The following CSF2RA variants were observed in gnomAD, a reference collection of about 807,000 sequenced individuals.
CSF2RA encodes the protein granulocyte-macrophage colony-stimulating factor receptor subunit alpha.
CSF2RA carries 42 observed loss-of-function variants against 51.6 expected under a neutral mutation model. That is an observed-to-expected ratio of 0.81 (90% confidence interval 0.64 to 1.05). CSF2RA has a LOEUF of 1.05. CSF2RA is among the 50% of genes least tolerant of loss of function. The pLI, the probability that CSF2RA is intolerant of heterozygous loss-of-function variation, is 0.00. For missense variants in CSF2RA, 530 were observed against 501.1 expected (o/e 1.06, Z -0.55); for synonymous variants, 222 against 193.0 (o/e 1.15, Z -1.24).
chrX:1,293,386 T>C (rs1387576202), intron 7 of CSF2RA, among the ~76,000 whole-genome samples: 1 of 151,836 alleles, frequency 6.6e-6, no homozygotes, highest in Non-Finnish European at 1.5e-5. Flanking sequence ...GCCCGGCTAA[T>C]TTTTTTGGAT....
chrX:1,313,555 CAA>C (rs111455258), downstream of CSF2RA, among the ~76,000 whole-genome samples: 5 of 149,386 alleles, frequency 3.3e-5, no homozygotes, highest in East Asian at 5.9e-4. Context: ...ACTAAAAATA[CAA>C]AAAAAAAAGC....
chrX:1,323,830 C>A, the CSF2RA span, among the ~76,000 whole-genome samples: 7 of 151,618 alleles, frequency 4.6e-5, no homozygotes, highest in African/African-American at 1.5e-4. Flanking sequence ...CTGGCTAACA[C>A]GGTGAAACCC....
Position 1,309,779 on chromosome X carries a change from T to C in CSF2RA, c.*300T>C, listed in dbSNP as rs1183441802. 1.2e-5 allele frequency: 8 copies of C among 641,256 alleles called. No individual in the cohort carries two copies. The highest frequency in any genetic ancestry group is 1.7e-5 in the Non-Finnish European group (6 of 360,692). The allele number at this position is 641,256 out of a possible 1,614,324, so 39.7% of individuals were successfully genotyped here. ...GGCGGACGCCCATCATCCCAGCTAC[T>C]TGGGAGGCTGAGGCAGGAGAATTGC... is the stretch of plus-strand genomic sequence containing the variant. On this transcript the variant is annotated 3_prime_UTR_variant, in exon 13 of 13. Transcript: ENST00000381529.
rs139686363 is a variant in CSF2RA at position 1,309,462 on chromosome X, G to A, written c.1186G>A (p.Val396Met). ...AGGCTACCGCGAAGAGGTCTTGACC[G>A]TGAAGGAAATTACCTGAGACCCAGA... ...GKGYREEVLT[V>M]KEIT Residue 396 changes from valine to methionine, a missense_variant, in exon 13 of 13, where the codon GTG (valine) becomes ATG (methionine). By Grantham distance (21) the Val-to-Met change is conservative (BLOSUM62 1). Transcript: ENST00000381529. 2.0e-4 allele frequency: 320 copies of A among 1,613,888 alleles called. No individual in the cohort carries two copies. Among genetic ancestry groups the A allele is most frequent in the Non-Finnish European group, 2.6e-4 (304 of 1,179,872 alleles).
At chrX:1,317,983 TTTC>T in the CSF2RA span, among the ~76,000 whole-genome samples, 1 of 150,428 alleles carries the variant, frequency 6.6e-6, no homozygotes, top group Non-Finnish European at 1.5e-5. Flanking sequence ...ATTTTTTTCT[TTTC>T]TTTTTTTTTC....
intron 10 of CSF2RA, chrX:1,303,507 T>C (rs1188806214): frequency 2.1e-6 from 1 of 486,478 alleles, no homozygotes; most frequent in Non-Finnish European, 3.6e-6. Flanking sequence ...CCCAAAGTGC[T>C]GGGATGACAG....
At position 1,305,452 on chromosome X, in the gene CSF2RA, T is replaced by G. The variant is rs746077422; in HGVS notation, c.1050T>G (p.Leu350=). Residue 350 remains leucine (L), a synonymous_variant, in exon 12 of 13, where the codon CTT becomes CTG. Transcript: ENST00000381529. ...IVLGFLFKRF[L]RIQRLFPPVP... ...CTTTTTCTCTGTGTCTCAGGTTCCT[T>G]AGGATACAGCGGCTGTTCCCGCCAG... The G allele has an allele frequency of 1.2e-6, 2 of 1,613,838 alleles. No homozygotes were observed. The highest frequency in any genetic ancestry group is 4.5e-5 in the East Asian group (2 of 44,892).
chrX:1,312,433 T>C (rs1237157726), downstream of CSF2RA, among the ~76,000 whole-genome samples: 3 of 152,088 alleles, frequency 2.0e-5, no homozygotes, highest in Admixed American at 2.0e-4. Context: ...GACGTGGACA[T>C]CTTTGGGACC....
intron 4 of CSF2RA, among the ~76,000 whole-genome samples, chrX:1,287,415 G>C (rs1333896263): frequency 1.3e-5 from 2 of 150,802 alleles, no homozygotes; most frequent in South Asian, 2.1e-4. Flanking sequence ...GCCTCCCAAA[G>C]TGCTGGCATT....
At chrX:1,316,700 T>C in the CSF2RA span, among the ~76,000 whole-genome samples, 4 of 152,308 alleles carry the variant, frequency 2.6e-5, no homozygotes, top group African/African-American at 9.6e-5. Flanking sequence ...TGGGTTCTCC[T>C]GAATGAGATC....
chrX:1,269,090 G>T (rs2087984930), intron 1 of CSF2RA, among the ~76,000 whole-genome samples: 2 of 152,026 alleles, frequency 1.3e-5, no homozygotes, highest in South Asian at 4.1e-4. Context: ...TTATATGCAG[G>T]TTTTTAAAGG....
intron 9 of CSF2RA, among the ~76,000 whole-genome samples, chrX:1,299,915 C>G (rs1173278523): frequency 6.6e-6 from 1 of 151,134 alleles, no homozygotes; most frequent in African/African-American, 2.4e-5. Flanking sequence ...GAGAGTGTCT[C>G]AAATAAAATA....
At chrX:1,287,630 G>C (rs1428913459) in intron 4 of CSF2RA, among the ~76,000 whole-genome samples, 3 of 144,810 alleles carry the variant, frequency 2.1e-5, no homozygotes, top group South Asian at 2.2e-4. Context: ...TTTTAGTAGA[G>C]ACGGGGTTTC....
intron 4 of CSF2RA, among the ~76,000 whole-genome samples, chrX:1,286,504 G>A (rs763143491): frequency 6.7e-6 from 1 of 149,630 alleles, no homozygotes; most frequent in Non-Finnish European, 1.5e-5. Flanking sequence ...GGGAGGCGGA[G>A]GTTGCGGTGA....
At chrX:1,319,381 C>T in the CSF2RA span, among the ~76,000 whole-genome samples, 19 of 149,752 alleles carry the variant, frequency 1.3e-4, no homozygotes, top group East Asian at 2.0e-4. Flanking sequence ...TCAGACTCCC[C>T]GGCTTAGCGA....
rs761242869 is a variant in CSF2RA, at chrX:1,289,116, C to T, written c.473+228C>T. The T allele has an allele frequency of 2.8e-5, 16 of 581,212 alleles. No individual in the cohort carries two copies. The East Asian group carries it at 4.5e-4, about 16-fold the overall frequency. 36.0% of individuals were successfully genotyped at this position (581,212 alleles called of 1,614,324 possible). A position where few individuals can be genotyped will look rare whatever the true frequency, so the allele number is the denominator to read the frequency against. On this transcript the variant is annotated intron_variant, in intron 6 of 12. Coordinates refer to ENST00000381529, the MANE Select transcript of CSF2RA (RefSeq NM_172245.4). Reference sequence around the variant, plus strand: ...AGCTGGGATTACAGGCGCCCGCCACCACACCAGGCCACATCTATGTATTTA... The same window carrying T: ...AGCTGGGATTACAGGCGCCCGCCACTACACCAGGCCACATCTATGTATTTA...
chrX:1,304,075 AG>A, intron 11 of CSF2RA, 56 bp downstream of exon 11: 1 of 1,427,384 alleles, frequency 7.0e-7, no homozygotes. Flanking sequence ...CCGGGAGGAA[AG>A]CGCTTTGTCC....
the CSF2RA span, among the ~76,000 whole-genome samples, chrX:1,319,582 C>G: frequency 6.7e-6 from 1 of 150,280 alleles, no homozygotes; most frequent in East Asian, 2.0e-4. Context: ...GCCACCATGC[C>G]TAGCCCAAGT....
intron 2 of CSF2RA, among the ~76,000 whole-genome samples, chrX:1,281,112 TCTCCTCCTCCTC>T (rs771038360): frequency 4.0e-5 from 1 of 25,050 alleles, no homozygotes; most frequent in Non-Finnish European, 7.0e-5. Context: ...TCCTCCTCCT[TCTCCTCCTCCTC>T]CTCCTCCTGC....
Sources: allele counts gnomAD v4.1 joint callset (sites outside exome capture counted in the v4.1 genomes callset), GRCh38; gene constraint gnomAD v4.1.1; transcripts MANE v1.5; gene names NCBI Gene and HGNC (gene_info 2026-07-23, HGNC 2026-07-21).